Variants in NRG3 observed in about 807,000 individuals in gnomAD.
NRG3 encodes the protein neuregulin 3.
A neutral mutation model predicts 66.9 loss-of-function variants in NRG3; 31 were observed. The ratio of observed to expected loss-of-function variants is 0.46; its 90% CI spans 0.35 to 0.63. The LOEUF (loss-of-function observed/expected upper bound fraction) is 0.63. Ranked by LOEUF, NRG3 falls within the 20% of genes least tolerant of loss-of-function variation. The probability of loss-of-function intolerance (pLI) is 0.00; values close to 1 mark genes in which losing one functional copy is unlikely to be tolerated. For missense variants in NRG3, 910 were observed against 878.9 expected (o/e 1.04, Z -0.45); for synonymous variants, 393 against 359.4 (o/e 1.09, Z -1.06).
chr10:82,560,295 A>G (rs1207443972), intron 2 of NRG3, among the ~76,000 whole-genome samples: 1 of 151,560 alleles, frequency 6.6e-6, no homozygotes, highest in East Asian at 1.9e-4. Context: ...TGACATTTTT[A>G]TTATTTTTTA....
chr10:82,454,338 A>G (rs994501957), intron 2 of NRG3, among the ~76,000 whole-genome samples: 1 of 152,180 alleles, frequency 6.6e-6, no homozygotes, highest in Non-Finnish European at 1.5e-5. Context: ...AGTTTGAACT[A>G]TGAGTACTCC....
intron 2 of NRG3, among the ~76,000 whole-genome samples, chr10:82,732,398 T>G (rs1484492782): frequency 2.0e-5 from 3 of 152,190 alleles, no homozygotes; most frequent in Non-Finnish European, 4.4e-5. Context: ...ATCCTAATCC[T>G]GGGAAAGGTG....
chr10:82,469,753 G>A (rs773690269), intron 2 of NRG3, among the ~76,000 whole-genome samples: 3 of 152,202 alleles, frequency 2.0e-5, no homozygotes, highest in African/African-American at 7.2e-5. Context: ...CATGAGCTCT[G>A]TGTGTCTGAA....
At chr10:82,457,951 C>A (rs531080378) in intron 2 of NRG3, among the ~76,000 whole-genome samples, 2 of 152,236 alleles carry the variant, frequency 1.3e-5, no homozygotes, top group South Asian at 2.1e-4. Context: ...GCTTGATGCA[C>A]GTCAAAAAGA....
chr10:82,917,013 A>C (rs1845901974), intron 4 of NRG3, among the ~76,000 whole-genome samples: 2 of 152,196 alleles, frequency 1.3e-5, no homozygotes, highest in African/African-American at 4.8e-5. Flanking sequence ...ATAGGGATGC[A>C]TTCTGACCGT....
chr10:82,132,334 G>C (rs566917565), intron 1 of NRG3, among the ~76,000 whole-genome samples: 1 of 150,044 alleles, frequency 6.7e-6, no homozygotes, highest in East Asian at 2.0e-4. Flanking sequence ...TGATGTTATC[G>C]TGTTGATTGA....
At chr10:82,958,590 C>T (rs1309918807) in intron 5 of NRG3, among the ~76,000 whole-genome samples, 1 of 152,140 alleles carries the variant, frequency 6.6e-6, no homozygotes, top group African/African-American at 2.4e-5. Flanking sequence ...ACCTGCTAAG[C>T]CCAAGTCTTA....
chr10:82,450,165 A>T (rs2090950825), intron 2 of NRG3, among the ~76,000 whole-genome samples: 2 of 152,338 alleles, frequency 1.3e-5, no homozygotes, highest in Admixed American at 6.5e-5. Context: ...GTTCTCATAA[A>T]TCCTGCAGTG....
At chr10:82,028,503 A>G (rs1475001967) in intron 1 of NRG3, among the ~76,000 whole-genome samples, 1 of 152,082 alleles carries the variant, frequency 6.6e-6, no homozygotes, top group Non-Finnish European at 1.5e-5. Flanking sequence ...TGATCCTCAC[A>G]TATGAGGTAC....
intron 2 of NRG3, among the ~76,000 whole-genome samples, chr10:82,647,857 T>C (rs2051073303): frequency 6.6e-6 from 1 of 150,412 alleles, no homozygotes; most frequent in Admixed American, 6.6e-5. Flanking sequence ...GGTTGTTTGT[T>C]TTTTTCTTGT....
intron 1 of NRG3, among the ~76,000 whole-genome samples, chr10:81,969,945 A>G (rs577349738): frequency 7.9e-5 from 12 of 152,146 alleles, no homozygotes; most frequent in Non-Finnish European, 1.3e-4. Context: ...TTAGCTGTCT[A>G]TCTTTACTGC....
chr10:82,361,809 T>C (rs1409352481), intron 2 of NRG3, among the ~76,000 whole-genome samples: 1 of 152,048 alleles, frequency 6.6e-6, no homozygotes, highest in Non-Finnish European at 1.5e-5. Context: ...ATTTAATAGA[T>C]CTGAGCAGCA....
chr10:82,581,069 T>C (rs1478540464), intron 2 of NRG3, among the ~76,000 whole-genome samples: 1 of 152,038 alleles, frequency 6.6e-6, no homozygotes, highest in African/African-American at 2.4e-5. Flanking sequence ...CCCACCACAA[T>C]GAATGAGAGT....
intron 1 of NRG3, among the ~76,000 whole-genome samples, chr10:82,080,383 G>A (rs10884143): frequency 0.094 from 14,311 of 152,116 alleles, 736 homozygotes; most frequent in Non-Finnish European, 0.11. Flanking sequence ...GGGACGGAAA[G>A]GAATGAGGGT....
chr10:82,532,593 A>G (rs1374022766), intron 2 of NRG3, among the ~76,000 whole-genome samples: 2 of 148,110 alleles, frequency 1.4e-5, no homozygotes, highest in African/African-American at 4.9e-5. Flanking sequence ...ATAGTACTAT[A>G]TATGTATATA....
chr10:82,061,399 G>A (rs948789044), intron 1 of NRG3, among the ~76,000 whole-genome samples: 3 of 152,016 alleles, frequency 2.0e-5, no homozygotes, highest in Non-Finnish European at 4.4e-5. Flanking sequence ...AAAACAGGTA[G>A]GGTGACCCCC....
intron 4 of NRG3, among the ~76,000 whole-genome samples, chr10:82,947,092 C>T (rs1849099370): frequency 6.6e-6 from 1 of 152,126 alleles, no homozygotes; most frequent in Admixed American, 6.6e-5. Flanking sequence ...TTCCCCACAT[C>T]AATTTGTAAT....
At chr10:82,261,914 G>A (rs2078052522) in intron 1 of NRG3, among the ~76,000 whole-genome samples, 1 of 152,248 alleles carries the variant, frequency 6.6e-6, no homozygotes, top group Non-Finnish European at 1.5e-5. Context: ...TTTTGTTTAT[G>A]ACCAGTTTTG....
chr10:82,188,350 A>G (rs1294396222), intron 1 of NRG3, among the ~76,000 whole-genome samples: 1 of 152,158 alleles, frequency 6.6e-6, no homozygotes, highest in Non-Finnish European at 1.5e-5. Flanking sequence ...CAAACTATGA[A>G]AGTACTACAA....
Sources: gnomAD v4.1 joint callset for allele counts (sites outside exome capture counted in the v4.1 genomes callset) on GRCh38, gnomAD v4.1.1 for gene constraint, MANE v1.5 for transcripts, NCBI Gene and HGNC (gene_info 2026-07-23, HGNC 2026-07-21) for gene names.